The following GRXCR1 variants were observed in gnomAD, a reference collection of about 807,000 sequenced individuals.
GRXCR1 encodes glutaredoxin domain-containing cysteine-rich protein 1.
GRXCR1 carries 27 observed loss-of-function variants against 27.3 expected under a neutral mutation model. The ratio of observed to expected loss-of-function variants is 0.99; its 90% CI spans 0.73 to 1.37. The LOEUF (loss-of-function observed/expected upper bound fraction) is 1.37, where lower values mean the gene tolerates loss of function less well. Ranked by LOEUF, GRXCR1 falls within the 40% of genes most tolerant of loss-of-function variation. The pLI is 0.00. For missense variants in GRXCR1, 379 were observed against 354.4 expected (o/e 1.07, Z -0.56); for synonymous variants, 122 against 131.1 (o/e 0.93, Z 0.47).
intron 3 of GRXCR1, among the ~76,000 whole-genome samples, chr4:43,022,864 G>A (rs376831214): frequency 4.6e-5 from 7 of 152,184 alleles, no homozygotes; most frequent in African/African-American, 9.6e-5. Flanking sequence ...ATATATTCCC[G>A]GCATTTTATA....
At chr4:43,028,982 TAGTC>T (rs1273888805) in intron 3 of GRXCR1, among the ~76,000 whole-genome samples, 4 of 152,186 alleles carry the variant, frequency 2.6e-5, no homozygotes, top group African/African-American at 9.7e-5. Context: ...CTTGATATAA[TAGTC>T]AAGTCAAACT....
intron 1 of GRXCR1, among the ~76,000 whole-genome samples, chr4:42,943,649 A>T (rs1055026285): frequency 5.3e-5 from 8 of 152,104 alleles, no homozygotes; most frequent in Admixed American, 6.6e-5. Flanking sequence ...GCAATGACAG[A>T]TTTATGGAGA....
In GRXCR1 at chr4:42,893,382, C is replaced by A. The variant is rs1486917562; in HGVS notation, c.116C>A (p.Ser39Ter). The part of the protein sequence containing the change: ...LKEVYEDGQP[S>*]GSLDSECASI... ...GAAGTGTATGAAGATGGGCAACCGT[C>A]AGGCTCTCTGGATTCTGAATGTGCC... The change falls in exon 1 of 4, where the codon TCA becomes TAA. Residue 39 changes from serine to a stop codon, truncating the protein, a stop_gained. Coordinates refer to ENST00000399770, the MANE Select transcript of GRXCR1 (RefSeq NM_001080476.3). LOFTEE classifies it high-confidence loss of function. The A allele has an allele frequency of 3.7e-6, 6 of 1,613,712 alleles. No individual in the cohort carries two copies. The highest frequency in any genetic ancestry group is 5.1e-6 in the Non-Finnish European group (6 of 1,179,826).
At chr4:42,936,476 A>G (rs755330332) in intron 1 of GRXCR1, among the ~76,000 whole-genome samples, 6 of 151,888 alleles carry the variant, frequency 4.0e-5, no homozygotes, top group Admixed American at 6.6e-5. Flanking sequence ...GAAAAATTGC[A>G]AAGATAGTAC....
In GRXCR1 at chr4:43,002,365, G is replaced by A. The variant is rs549222167; in HGVS notation, c.628-17989G>A. Among the ~76,000 whole-genome samples the A allele has an allele frequency of 1.2e-4, 19 of 152,350 alleles. No individual in the cohort carries two copies. In the South Asian group the frequency reaches 3.7e-3, roughly 30 times the overall value. On this transcript the variant is annotated intron_variant, in intron 2 of 3. Coordinates refer to ENST00000399770, the MANE Select transcript of GRXCR1 (RefSeq NM_001080476.3). ...GTGCATTGTGCCCCTGGTTTATTGA[G>A]ACTAGAGAATGGCGATGACCTTTAT... is the stretch of plus-strand genomic sequence containing the variant.
At chr4:42,917,658 G>C (rs572801456) in intron 1 of GRXCR1, among the ~76,000 whole-genome samples, 3 of 152,200 alleles carry the variant, frequency 2.0e-5, no homozygotes, top group East Asian at 3.9e-4. Flanking sequence ...TGAGATAAGA[G>C]TTTCTTAGGG....
chr4:42,986,103 G>A (rs779826156), intron 2 of GRXCR1, among the ~76,000 whole-genome samples: 5 of 152,194 alleles, frequency 3.3e-5, no homozygotes, highest in Admixed American at 6.5e-5. Context: ...TTGTGGTTTT[G>A]TTTTGTTTTT....
intron 2 of GRXCR1, among the ~76,000 whole-genome samples, chr4:42,991,811 A>T (rs906375449): frequency 6.6e-6 from 1 of 152,090 alleles, no homozygotes; most frequent in African/African-American, 2.4e-5. Context: ...TCCCCACCAG[A>T]AGAATCAATT....
chr4:42,928,165 C>G (rs1747216130), intron 1 of GRXCR1, among the ~76,000 whole-genome samples: 1 of 151,962 alleles, frequency 6.6e-6, no homozygotes. Flanking sequence ...GTGACACACC[C>G]TGGGAATGCG....
At chr4:42,929,453 A>G (rs1175066431) in intron 1 of GRXCR1, among the ~76,000 whole-genome samples, 1 of 152,018 alleles carries the variant, frequency 6.6e-6, no homozygotes, top group Non-Finnish European at 1.5e-5. Flanking sequence ...GTCATCAGGC[A>G]GGAGAGACAG....
chr4:42,893,995 T>C (rs1746293784), intron 1 of GRXCR1, among the ~76,000 whole-genome samples: 1 of 152,168 alleles, frequency 6.6e-6, no homozygotes. Context: ...TAAATTCTGG[T>C]TTATTATCCT....
In GRXCR1 at chr4:42,893,647, A is replaced by G. The variant is rs1315098636; in HGVS notation, c.381A>G (p.Leu127=). 1 of 1,612,776 alleles carries G rather than the reference A, an allele frequency of 6.2e-7. No homozygotes were observed. Among genetic ancestry groups the G allele is most frequent in the East Asian group, 2.2e-5 (1 of 44,832 alleles). ...TATTTAACAATTTGACCAAAGTATTACAGGTAAGTCATTGCTGTTTCCTTC... is the reference window on the plus strand; with the variant it reads ...TATTTAACAATTTGACCAAAGTATTGCAGGTAAGTCATTGCTGTTTCCTTC... ...QALFNNLTKV[L]QQPSTDLEFD... The change falls in exon 1 of 4, where the codon TTA becomes TTG. Residue 127 remains leucine (L), a synonymous_variant. Transcript: ENST00000399770.
chr4:42,922,584 C>G (rs1181679240), intron 1 of GRXCR1, among the ~76,000 whole-genome samples: 1 of 152,014 alleles, frequency 6.6e-6, no homozygotes, highest in East Asian at 1.9e-4. Flanking sequence ...TGTATGTCCC[C>G]ATGTCCCCCA....
At chr4:43,005,570 C>T (rs148416701) in intron 2 of GRXCR1, among the ~76,000 whole-genome samples, 295 of 152,256 alleles carry the variant, frequency 1.9e-3, no homozygotes, top group Middle Eastern at 0.01. Flanking sequence ...CAAATTACCA[C>T]GGCAAGATGA....
At chr4:43,000,215 C>A (rs1383255492) in intron 2 of GRXCR1, among the ~76,000 whole-genome samples, 4 of 152,130 alleles carry the variant, frequency 2.6e-5, no homozygotes, top group Admixed American at 2.0e-4. Flanking sequence ...CACTGTGGCT[C>A]ACACCTGTAA....
chr4:43,007,761 C>A, intron 2 of GRXCR1, among the ~76,000 whole-genome samples: 1 of 152,292 alleles, frequency 6.6e-6, no homozygotes, highest in South Asian at 2.1e-4. Context: ...TGCCATTTAT[C>A]GTTTAGTAGC....
intron 3 of GRXCR1, among the ~76,000 whole-genome samples, chr4:43,027,148 A>C (rs1713281430): frequency 6.6e-6 from 1 of 152,214 alleles, no homozygotes; most frequent in Non-Finnish European, 1.5e-5. Flanking sequence ...TTTATTAATA[A>C]AATAATGGCT....
chr4:42,926,025 G>T (rs186410891), intron 1 of GRXCR1, among the ~76,000 whole-genome samples: 2 of 151,976 alleles, frequency 1.3e-5, no homozygotes, highest in Non-Finnish European at 2.9e-5. Context: ...GAGAAAAAAA[G>T]TTTGTTTCCA....
chr4:42,973,182 C>A (rs1364836276), intron 2 of GRXCR1, among the ~76,000 whole-genome samples: 2 of 151,988 alleles, frequency 1.3e-5, no homozygotes, highest in Non-Finnish European at 2.9e-5. Flanking sequence ...CTGTGCAAAC[C>A]CCTCCAGTTG....
Sources: gnomAD v4.1 joint callset for allele counts (sites outside exome capture counted in the v4.1 genomes callset) on GRCh38, gnomAD v4.1.1 for gene constraint, MANE v1.5 for transcripts, NCBI Gene and HGNC (gene_info 2026-07-23, HGNC 2026-07-21) for gene names.